The following FNDC3A variants were observed in gnomAD, a reference collection of about 807,000 sequenced individuals.
FNDC3A encodes fibronectin type III domain containing 3A, also known as fibronectin type-III domain-containing protein 3A.
In FNDC3A, 32 loss-of-function variants were observed where a neutral mutation model predicts 148.9. The observed-to-expected ratio is 0.21, with a 90% confidence interval of 0.16 to 0.29. FNDC3A has a LOEUF of 0.29. Ranked by LOEUF, FNDC3A falls within the 10% of genes least tolerant of loss-of-function variation. The pLI is 1.00. For synonymous variants in FNDC3A, 472 were observed against 473.6 expected (o/e 1.00, Z 0.04); for missense variants, 1,191 against 1,452.8 (o/e 0.82, Z 2.93).
At chr13:49,143,066 C>T (rs1308991296) in intron 7 of FNDC3A, among the ~76,000 whole-genome samples, 1 of 152,128 alleles carries the variant, frequency 6.6e-6, no homozygotes, top group Non-Finnish European at 1.5e-5. Flanking sequence ...TAGGGTTCCA[C>T]CATGTTGGCC....
At chr13:48,976,821 G>T (rs1459851778) in intron 1 of FNDC3A, 1 of 152,242 alleles carries the variant, frequency 6.6e-6, no homozygotes, top group Non-Finnish European at 1.5e-5. Flanking sequence ...CACCTGTTCA[G>T]TCGGGAGGTG....
At chr13:49,202,065 G>A in intron 24 of FNDC3A, 99 bp downstream of exon 24, 1 of 724,652 alleles carries the variant, frequency 1.4e-6, no homozygotes, top group East Asian at 3.2e-5. Context: ...TTAGCATCCA[G>A]TATATGTCCA....
intron 1 of FNDC3A, among the ~76,000 whole-genome samples, chr13:48,982,079 G>A (rs1456332660): frequency 6.6e-6 from 1 of 152,034 alleles, no homozygotes; most frequent in Non-Finnish European, 1.5e-5. Context: ...TTATTAGAAA[G>A]TAATTACGTG....
At chr13:49,020,212 T>G (rs909677666) in intron 2 of FNDC3A, among the ~76,000 whole-genome samples, 14 of 151,704 alleles carry the variant, frequency 9.2e-5, no homozygotes, top group Admixed American at 3.3e-4. Flanking sequence ...TTAAGGAGAG[T>G]GAAGCTAGGG....
At chr13:49,073,485 G>A (rs534008029) in intron 2 of FNDC3A, among the ~76,000 whole-genome samples, 6 of 151,746 alleles carry the variant, frequency 4.0e-5, no homozygotes, top group Non-Finnish European at 7.4e-5. Flanking sequence ...GATGCCACAA[G>A]TGGAGAATTC....
chr13:49,084,736 G>A (rs777006783), intron 3 of FNDC3A, among the ~76,000 whole-genome samples: 1 of 152,088 alleles, frequency 6.6e-6, no homozygotes, highest in Non-Finnish European at 1.5e-5. Context: ...ACTAGAGTTA[G>A]TATGATCAGG....
Position 49,035,495 on chromosome 13 carries a change from C to T in FNDC3A, c.99+29206C>T, listed in dbSNP as rs1874429863. Among the ~76,000 whole-genome samples the T allele has an allele frequency of 1.3e-5, 2 of 151,868 alleles. 1 individual carries two copies. Among genetic ancestry groups the T allele is most frequent in the African/African-American group, 4.8e-5 (2 of 41,350 alleles). On this transcript the variant is annotated intron_variant, in intron 2 of 25. Coordinates refer to ENST00000492622, the MANE Select transcript of FNDC3A (RefSeq NM_001079673.2). ...TTACAGTTAAATTAAAAGCTGCATA[C>T]CTATTAAGTAATAGAGTAGAATTTG...
chr13:49,024,922 C>CT (rs1399052138), intron 2 of FNDC3A, among the ~76,000 whole-genome samples: 1 of 151,804 alleles, frequency 6.6e-6, no homozygotes, highest in Non-Finnish European at 1.5e-5. Flanking sequence ...CATATTTTGC[C>CT]TATTTTTCTC....
chr13:49,138,480 G>C (rs543593626), intron 6 of FNDC3A, among the ~76,000 whole-genome samples: 2 of 152,064 alleles, frequency 1.3e-5, no homozygotes, highest in South Asian at 4.2e-4. Context: ...GAAAAATTTG[G>C]TTCAGATAGA....
chr13:49,083,820 C>G (rs571659632), intron 3 of FNDC3A, among the ~76,000 whole-genome samples: 1 of 152,294 alleles, frequency 6.6e-6, no homozygotes, highest in African/African-American at 2.4e-5. Flanking sequence ...TGTTCATACC[C>G]TGGTTGGGTG....
intron 3 of FNDC3A, among the ~76,000 whole-genome samples, chr13:49,113,786 A>AGG (rs1269055889): frequency 1.3e-5 from 2 of 152,160 alleles, no homozygotes; most frequent in African/African-American, 4.8e-5. Context: ...AAGGAACTGA[A>AGG]GGGGGGTAAG....
chr13:49,178,749 T>G, intron 14 of FNDC3A, 95 bp downstream of exon 14: 2 of 693,750 alleles, frequency 2.9e-6, no homozygotes, highest in Non-Finnish European at 4.6e-6. Flanking sequence ...TTTGTTTGTT[T>G]TTTGAGACGG....
chr13:48,979,146 C>A (rs912047209), intron 1 of FNDC3A, among the ~76,000 whole-genome samples: 1 of 151,874 alleles, frequency 6.6e-6, no homozygotes, highest in African/African-American at 2.4e-5. Context: ...CTATTTTTTC[C>A]TCCAAGATTG....
At chr13:49,114,410 T>TCCCCCCCCCCCCCCC (rs71188346) in intron 3 of FNDC3A, among the ~76,000 whole-genome samples, 4 of 81,692 alleles carry the variant, frequency 4.9e-5, no homozygotes, top group Admixed American at 1.3e-4. Flanking sequence ...CCCTCCAACC[T>TCCCCCCCCCCCCCCC]CCCCGCCCCC....
At chr13:49,034,783 G>C (rs1452414418) in intron 2 of FNDC3A, among the ~76,000 whole-genome samples, 1 of 151,966 alleles carries the variant, frequency 6.6e-6, no homozygotes, top group Non-Finnish European at 1.5e-5. Flanking sequence ...TACATGTTAA[G>C]GGGGTGCATG....
At chr13:48,983,354 A>T (rs1256808957) in intron 1 of FNDC3A, among the ~76,000 whole-genome samples, 1 of 152,218 alleles carries the variant, frequency 6.6e-6, no homozygotes, top group Non-Finnish European at 1.5e-5. Context: ...CAGCTATTCA[A>T]CTATGAACTC....
chr13:49,184,321 C>T (rs1183677799), intron 14 of FNDC3A, among the ~76,000 whole-genome samples: 2 of 152,078 alleles, frequency 1.3e-5, no homozygotes, highest in African/African-American at 2.4e-5. Flanking sequence ...CCTCTGGCTT[C>T]GGTGTAGAAA....
At chr13:49,020,950 T>G (rs756487021) in intron 2 of FNDC3A, among the ~76,000 whole-genome samples, 20 of 152,136 alleles carry the variant, frequency 1.3e-4, no homozygotes, top group Non-Finnish European at 2.2e-4. Flanking sequence ...GGATTAAATT[T>G]CAGGAAAAAG....
intron 2 of FNDC3A, among the ~76,000 whole-genome samples, chr13:49,029,862 C>G (rs191330988): frequency 1.4e-3 from 206 of 152,132 alleles, no homozygotes; most frequent in African/African-American, 4.6e-3. Context: ...TCTAAGTGAA[C>G]TAGACAAATA....
Sources: allele counts gnomAD v4.1 joint callset (sites outside exome capture counted in the v4.1 genomes callset), GRCh38; gene constraint gnomAD v4.1.1; transcripts MANE v1.5; gene names NCBI Gene and HGNC (gene_info 2026-07-23, HGNC 2026-07-21).